LAMA2: variants seen among roughly 807,000 people sequenced by gnomAD.
The protein encoded by LAMA2 is laminin subunit alpha 2.
Under a neutral mutation model 364.8 loss-of-function variants are expected in LAMA2, and 269 were observed. The ratio of observed to expected loss-of-function variants is 0.74; its 90% CI spans 0.67 to 0.82. The LOEUF is 0.82. LAMA2 is among the 40% of genes least tolerant of loss of function. The probability of loss-of-function intolerance (pLI) is 0.00; values close to 1 mark genes in which losing one functional copy is unlikely to be tolerated. For synonymous variants in LAMA2, 1,379 were observed against 1,370.6 expected, an observed-to-expected ratio of 1.01 and a Z score of -0.14; for missense variants, 3,807 against 3,873.2, an observed-to-expected ratio of 0.98 and a Z score of 0.45.
chr6:129,305,982 C>A (rs1773843003), intron 22 of LAMA2, among the ~76,000 whole-genome samples: 1 of 151,946 alleles, frequency 6.6e-6, no homozygotes, highest in South Asian at 2.1e-4. Context: ...TAATATTATA[C>A]CACTTTACAT....
chr6:128,903,875 T>C (rs573752553), intron 1 of LAMA2, among the ~76,000 whole-genome samples: 3 of 152,228 alleles, frequency 2.0e-5, no homozygotes, highest in Non-Finnish European at 4.4e-5. Context: ...GACAGTGGAC[T>C]TTGGTTTTAA....
intron 1 of LAMA2, among the ~76,000 whole-genome samples, chr6:128,977,423 A>G (rs1292094460): frequency 1.3e-5 from 2 of 151,542 alleles, no homozygotes; most frequent in Non-Finnish European, 2.9e-5. Flanking sequence ...ACCATGCCCA[A>G]CTAATTTATT....
chr6:129,153,002 G>A (rs996520124), intron 7 of LAMA2, among the ~76,000 whole-genome samples: 4 of 151,394 alleles, frequency 2.6e-5, no homozygotes, highest in Non-Finnish European at 5.9e-5. Context: ...ACACACACAC[G>A]TGGAAATAAA....
intron 16 of LAMA2, 75 bp downstream of exon 16, chr6:129,267,294 T>G: frequency 1.0e-6 from 1 of 985,526 alleles, no homozygotes; most frequent in South Asian, 1.3e-5. Flanking sequence ...ATTCAGCTAC[T>G]ACCCTGGGGA....
At chr6:129,274,319 A>G (rs1788147936) in intron 17 of LAMA2, among the ~76,000 whole-genome samples, 2 of 152,022 alleles carry the variant, frequency 1.3e-5, no homozygotes, top group South Asian at 4.1e-4. Context: ...TTTATAAAAA[A>G]CATTACTGTT....
At chr6:128,904,025 A>G (rs1430247214) in intron 1 of LAMA2, among the ~76,000 whole-genome samples, 1 of 152,216 alleles carries the variant, frequency 6.6e-6, no homozygotes, top group Non-Finnish European at 1.5e-5. Context: ...AAGAGTTTCA[A>G]TAGTTTTATC....
chr6:128,962,139 C>CATATATATAT lies in LAMA2; in HGVS notation c.112+78820_112+78829dup, dbSNP rs55906092. Among the ~76,000 whole-genome samples the CATATATATAT allele has an allele frequency of 7.4e-3, 280 of 38,066 alleles. 3 individuals carry two copies. Among genetic ancestry groups the CATATATATAT allele is most frequent in the Non-Finnish European group, 9.7e-3 (192 of 19,744 alleles). 25.0% of individuals were successfully genotyped at this position (38,066 alleles called of 152,430 possible). ...TCTTTTCTGATGTCATCCTCTGGAC[C>CATATATATAT]ATATATATATATATATATATATATA... On this transcript the variant is annotated intron_variant, in intron 1 of 64. Coordinates refer to ENST00000421865, the MANE Select transcript of LAMA2 (RefSeq NM_000426.4).
intron 1 of LAMA2, among the ~76,000 whole-genome samples, chr6:128,923,357 C>A (rs1010350488): frequency 1.3e-5 from 2 of 150,882 alleles, no homozygotes; most frequent in Non-Finnish European, 3.0e-5. Context: ...AATGTTCTTC[C>A]ATTTGTTTGT....
intron 58 of LAMA2, among the ~76,000 whole-genome samples, chr6:129,497,446 C>A (rs1305571321): frequency 6.6e-6 from 1 of 152,074 alleles, no homozygotes; most frequent in East Asian, 1.9e-4. Flanking sequence ...CCATGTTGGC[C>A]AGGCTGGTCT....
At chr6:128,884,321 A>C (rs1165964100) in intron 1 of LAMA2, among the ~76,000 whole-genome samples, 1 of 152,182 alleles carries the variant, frequency 6.6e-6, no homozygotes, top group Non-Finnish European at 1.5e-5. Flanking sequence ...CAAAGTAAAA[A>C]AAAAAGAAAT....
chr6:129,514,680 AATGTGTGCTT>A, intron 64 of LAMA2, 85 bp downstream of exon 64: 1 of 1,061,682 alleles, frequency 9.4e-7, no homozygotes, highest in Non-Finnish European at 1.4e-6. Flanking sequence ...TGTGTCTAAG[AATGTGTGCTT>A]ATGTGTACTT....
intron 12 of LAMA2, among the ~76,000 whole-genome samples, chr6:129,226,802 T>C (rs1034370568): frequency 3.5e-4 from 54 of 152,156 alleles, no homozygotes; most frequent in Non-Finnish European, 6.3e-4. Context: ...ATCTGACAAT[T>C]ATGTGTCTTG....
intron 41 of LAMA2, among the ~76,000 whole-genome samples, chr6:129,431,860 T>C (rs1439095810): frequency 6.6e-6 from 1 of 152,200 alleles, no homozygotes; most frequent in African/African-American, 2.4e-5. Flanking sequence ...TCTTGAAGAT[T>C]CTGAGATCAT....
intron 62 of LAMA2, 115 bp from the exon 63 acceptor site, chr6:129,512,248 A>G (rs1230078314): frequency 2.9e-6 from 3 of 1,017,576 alleles, no homozygotes; most frequent in Non-Finnish European, 4.4e-6. Context: ...TATAGCCCTC[A>G]TTAGAATTAG....
chr6:129,093,783 G>A (rs1448507183), intron 3 of LAMA2, among the ~76,000 whole-genome samples: 1 of 152,300 alleles, frequency 6.6e-6, no homozygotes, highest in Admixed American at 6.5e-5. Flanking sequence ...TCAAACACTT[G>A]ATATTGTTTT....
At chr6:129,023,598 A>G (rs1001084180) in intron 1 of LAMA2, among the ~76,000 whole-genome samples, 1 of 152,098 alleles carries the variant, frequency 6.6e-6, no homozygotes, top group African/African-American at 2.4e-5. Context: ...TTACCTCCAT[A>G]TTTAATGGAT....
At chr6:129,025,570 G>A (rs1437095818) in intron 1 of LAMA2, among the ~76,000 whole-genome samples, 7 of 152,098 alleles carry the variant, frequency 4.6e-5, no homozygotes, top group African/African-American at 1.2e-4. Flanking sequence ...AGAAAGGTCC[G>A]TGGAGAAAAG....
intron 4 of LAMA2, among the ~76,000 whole-genome samples, chr6:129,102,993 A>G (rs1161650834): frequency 6.6e-6 from 1 of 152,182 alleles, no homozygotes; most frequent in African/African-American, 2.4e-5. Context: ...CCTGGAATCC[A>G]ACTTTTGTCC....
intron 1 of LAMA2, among the ~76,000 whole-genome samples, chr6:129,020,259 T>C (rs541576651): frequency 3.4e-4 from 52 of 152,292 alleles, no homozygotes; most frequent in African/African-American, 1.3e-3. Flanking sequence ...TCCATACTTA[T>C]TCCTGGAGGA....
Sources: gnomAD v4.1 joint callset for allele counts (sites outside exome capture counted in the v4.1 genomes callset) on GRCh38, gnomAD v4.1.1 for gene constraint, MANE v1.5 for transcripts, NCBI Gene and HGNC (gene_info 2026-07-23, HGNC 2026-07-21) for gene names.